The following TSPAN11 variants were observed in gnomAD, a reference collection of about 807,000 sequenced individuals.
The protein encoded by TSPAN11 is tetraspanin 11.
A neutral mutation model predicts 32.9 loss-of-function variants in TSPAN11; 29 were observed. That is an observed-to-expected ratio of 0.88 (90% CI 0.66 to 1.20). The LOEUF is 1.20. TSPAN11 is among the 50% of genes most tolerant of loss of function. The pLI is 0.00. For missense variants in TSPAN11, 283 were observed against 329.1 expected (o/e 0.86, Z 1.08); for synonymous variants, 140 against 141.3 (o/e 0.99, Z 0.07).
chr12:30,928,615 G>A (rs1203625119), intron 1 of TSPAN11, among the ~76,000 whole-genome samples: 3 of 152,216 alleles, frequency 2.0e-5, no homozygotes, highest in Admixed American at 6.5e-5. Context: ...AAAGATCCTT[G>A]GATGGGAGAT....
chr12:31,012,466 C>T, the TSPAN11 span: 3 of 153,128 alleles, frequency 2.0e-5, no homozygotes, highest in Admixed American at 6.5e-5. Context: ...CCCCTGCCGG[C>T]TTCCTCAGCC....
intron 1 of TSPAN11, among the ~76,000 whole-genome samples, chr12:30,941,570 A>G (rs1234998095): frequency 6.6e-6 from 1 of 152,224 alleles, no homozygotes; most frequent in Non-Finnish European, 1.5e-5. Flanking sequence ...AACTGGGACT[A>G]GAGCCCAGGT....
rs1261114098 is a variant in TSPAN11 at position 30,983,146 on chromosome 12, T to C, written c.698T>C (p.Leu233Pro). The change falls in exon 7 of 8, where the codon CTG (leucine) becomes CCG (proline). Residue 233 changes from leucine (L) to proline (P), a missense_variant. Physicochemically the swap from Leu to Pro is moderately conservative, Grantham distance 98. Coordinates refer to ENST00000546076, the MANE Select transcript of TSPAN11 (RefSeq NM_001370302.1). ...MGAVGIGVAC[L>P]QICGMVLTCC... ...GCAGTGGGCATCGGGGTGGCCTGCC[T>C]GCAGGTGAGTTGCAGTGCGGGGACT... is the stretch of plus-strand genomic sequence containing the variant. 1 of 1,611,668 alleles carries C rather than the reference T, an allele frequency of 6.2e-7. No homozygotes were observed. Among genetic ancestry groups the C allele is most frequent in the Non-Finnish European group, 8.5e-7 (1 of 1,179,504 alleles).
At chr12:30,980,363 A>T (rs2140304604) in intron 5 of TSPAN11, among the ~76,000 whole-genome samples, 1 of 152,238 alleles carries the variant, frequency 6.6e-6, no homozygotes, top group East Asian at 1.9e-4. Flanking sequence ...CACCAACCAC[A>T]TTTCTAGTGC....
chr12:30,998,600 G>C (rs1592504361), downstream of TSPAN11, among the ~76,000 whole-genome samples: 1 of 152,218 alleles, frequency 6.6e-6, no homozygotes, highest in South Asian at 2.1e-4. Context: ...GCACCTGGTG[G>C]GGGCCTTTGC....
chr12:30,978,662 C>A (rs957946619), intron 4 of TSPAN11, 27 bp downstream of exon 4: 1 of 1,610,440 alleles, frequency 6.2e-7, no homozygotes, highest in Non-Finnish European at 8.5e-7. Context: ...CCTCCTGCAT[C>A]CTCTGTCAGT....
chr12:30,990,515 C>T (rs1939291800), intron 7 of TSPAN11, among the ~76,000 whole-genome samples: 1 of 152,216 alleles, frequency 6.6e-6, no homozygotes, highest in South Asian at 2.1e-4. Flanking sequence ...AGATAACCTC[C>T]TAAGCCGCCT....
At chr12:30,945,556 C>T (rs987493809) in intron 1 of TSPAN11, among the ~76,000 whole-genome samples, 2 of 152,166 alleles carry the variant, frequency 1.3e-5, no homozygotes, top group Non-Finnish European at 2.9e-5. Context: ...TCCCTCTGCT[C>T]CTGGTCGCTG....
intron 3 of TSPAN11, among the ~76,000 whole-genome samples, chr12:30,976,872 C>G (rs1938983587): frequency 6.6e-6 from 1 of 152,210 alleles, no homozygotes; most frequent in Non-Finnish European, 1.5e-5. Context: ...GCATCTGACC[C>G]TGGGGGAGGG....
chr12:30,958,547 C>T (rs1409192003), intron 2 of TSPAN11, among the ~76,000 whole-genome samples: 2 of 152,116 alleles, frequency 1.3e-5, no homozygotes, highest in Admixed American at 6.5e-5. Flanking sequence ...TGTGCTCTCT[C>T]GGGGCTGCAG....
intron 1 of TSPAN11, among the ~76,000 whole-genome samples, chr12:30,940,760 G>T (rs1338916744): frequency 1.3e-5 from 2 of 152,180 alleles, no homozygotes; most frequent in African/African-American, 4.8e-5. Flanking sequence ...CAAGGCAGGG[G>T]TCCCTGACCC....
intron 7 of TSPAN11, among the ~76,000 whole-genome samples, chr12:30,985,723 C>T (rs946351578): frequency 2.6e-5 from 4 of 152,210 alleles, no homozygotes; most frequent in African/African-American, 7.2e-5. Context: ...AAGCTGCAGA[C>T]GAGGGCAGTG....
intron 3 of TSPAN11, among the ~76,000 whole-genome samples, chr12:30,965,427 G>T (rs1331692463): frequency 6.6e-6 from 1 of 151,982 alleles, no homozygotes; most frequent in African/African-American, 2.4e-5. Flanking sequence ...CTCACCTCTG[G>T]ACAGCCCAAG....
At chr12:30,935,636 G>A (rs542759510) in intron 1 of TSPAN11, among the ~76,000 whole-genome samples, 71 of 152,116 alleles carry the variant, frequency 4.7e-4, no homozygotes, top group African/African-American at 1.6e-3. Context: ...CACCCACCTC[G>A]GCCTCCTAAA....
At chr12:31,016,064 G>T in the TSPAN11 span, among the ~76,000 whole-genome samples, 1 of 152,200 alleles carries the variant, frequency 6.6e-6, no homozygotes, top group Non-Finnish European at 1.5e-5. Context: ...ATAACCAGAG[G>T]CCAGGAGTTC....
intron 2 of TSPAN11, among the ~76,000 whole-genome samples, chr12:30,961,174 G>A (rs10843866): frequency 0.53 from 80,358 of 151,672 alleles, 22,138 homozygotes; most frequent in Non-Finnish European, 0.6. Context: ...ACTCCATCAA[G>A]TCCCTCTTCC....
the TSPAN11 span, among the ~76,000 whole-genome samples, chr12:31,003,186 C>A: frequency 1.3e-5 from 2 of 152,232 alleles, no homozygotes; most frequent in Non-Finnish European, 2.9e-5. Flanking sequence ...GGGAATTCTG[C>A]CCCAATGAGA....
the TSPAN11 span, among the ~76,000 whole-genome samples, chr12:31,001,694 G>C: frequency 6.6e-6 from 1 of 152,246 alleles, no homozygotes; most frequent in South Asian, 2.1e-4. Flanking sequence ...GCACCAGTGG[G>C]GAGGCAGTTC....
At chr12:30,945,105 C>T (rs1354676563) in intron 1 of TSPAN11, among the ~76,000 whole-genome samples, 1 of 152,108 alleles carries the variant, frequency 6.6e-6, no homozygotes, top group Non-Finnish European at 1.5e-5. Context: ...ACTGGGCAGC[C>T]CCTCCTCCTT....
Sources: gnomAD v4.1 joint callset for allele counts (sites outside exome capture counted in the v4.1 genomes callset) on GRCh38, gnomAD v4.1.1 for gene constraint, MANE v1.5 for transcripts, NCBI Gene and HGNC (gene_info 2026-07-23, HGNC 2026-07-21) for gene names.